Variants in GABPB1 observed in about 807,000 individuals in gnomAD.
GABPB1 encodes GA-binding protein subunit beta-1.
In GABPB1, 15 loss-of-function variants were observed where a neutral mutation model predicts 45.9. The ratio of observed to expected loss-of-function variants is 0.33; its 90% CI spans 0.22 to 0.50. GABPB1 has a LOEUF of 0.50. GABPB1 is among the 20% of genes least tolerant of loss of function. GABPB1 has a pLI of 0.98. For missense variants in GABPB1, 252 were observed against 457.5 expected (o/e 0.55, Z 4.10); for synonymous variants, 143 against 154.4 (o/e 0.93, Z 0.55).
At position 50,304,024 on chromosome 15, in the gene GABPB1, G is replaced by A; in HGVS notation, c.218C>T (p.Thr73Ile). The change falls in exon 3 of 9, where the codon ACA (threonine) becomes ATA (isoleucine). Residue 73 changes from threonine to isoleucine, a missense_variant. Transcript: ENST00000380877. ...CTCAGAAGCTGCCATATGTAATGGT[G>A]TTCGGTCCACTTTGGTTCTGGCATC... is the stretch of plus-strand genomic sequence containing the variant. ...SRDARTKVDR[T>I]PLHMAASEGH... 1 of 1,613,308 alleles carries A rather than the reference G, an allele frequency of 6.2e-7. No homozygotes were observed. Among genetic ancestry groups the A allele is most frequent in the Non-Finnish European group, 8.5e-7 (1 of 1,179,708 alleles).
rs2046331271 is a variant in GABPB1 at position 50,291,180 on chromosome 15, T to C, written c.698-1512A>G. Among the ~76,000 whole-genome samples the C allele has an allele frequency of 2.6e-5, 4 of 152,226 alleles. No individual in the cohort carries two copies. The South Asian group carries it at 8.3e-4, about 31-fold the overall frequency. On this transcript the variant is annotated intron_variant, in intron 6 of 8. Transcript: ENST00000380877. The stretch of plus-strand genomic sequence containing the variant: ...TATGAACTGAGCAATGTTTACACAA[T>C]GTTTACAATTATCCTATGTAAACCC...
At chr15:50,353,753 A>T (rs978619977) in intron 1 of GABPB1, 1 of 152,306 alleles carries the variant, frequency 6.6e-6, no homozygotes, top group African/African-American at 2.4e-5. Flanking sequence ...AAGAATGACC[A>T]CTAACTTCTG....
At chr15:50,309,871 G>A (rs1567509678) in intron 1 of GABPB1, 73 bp from the exon 2 acceptor site, 3 of 858,364 alleles carry the variant, frequency 3.5e-6, no homozygotes, top group Non-Finnish European at 3.9e-6. Flanking sequence ...TTCCCTTCCT[G>A]TCTTTATTAA....
chr15:50,292,580 G>A (rs1049548099), intron 6 of GABPB1, among the ~76,000 whole-genome samples: 13 of 152,214 alleles, frequency 8.5e-5, no homozygotes, highest in African/African-American at 3.1e-4. Context: ...GTGATACACT[G>A]GGAGGTTACA....
intron 7 of GABPB1, among the ~76,000 whole-genome samples, chr15:50,288,400 G>A (rs749481911): frequency 6.6e-6 from 1 of 152,086 alleles, no homozygotes; most frequent in African/African-American, 2.4e-5. Context: ...CTTCTTTTAG[G>A]GGGAGACAAG....
At chr15:50,333,397 CATT>C (rs1453742989) in intron 1 of GABPB1, among the ~76,000 whole-genome samples, 3 of 152,242 alleles carry the variant, frequency 2.0e-5, no homozygotes, top group African/African-American at 7.2e-5. Context: ...ATCACATTAT[CATT>C]ATATTATCAC....
intron 1 of GABPB1, among the ~76,000 whole-genome samples, chr15:50,334,505 C>CTTTTTTTTTTTTTTTTTTT (rs60433481): frequency 3.7e-5 from 4 of 109,408 alleles, no homozygotes; most frequent in Non-Finnish European, 7.3e-5. Flanking sequence ...TCTTTTTTTC[C>CTTTTTTTTTTTTTTTTTTT]TTTTTTTTTT....
chr15:50,304,742 T>G (rs1458185468), intron 2 of GABPB1, among the ~76,000 whole-genome samples: 4 of 149,892 alleles, frequency 2.7e-5, no homozygotes, highest in African/African-American at 7.4e-5. Context: ...AAATCAGAGA[T>G]AGAGTTTGAG....
At chr15:50,343,843 A>T (rs993400140) in intron 1 of GABPB1, among the ~76,000 whole-genome samples, 2 of 152,168 alleles carry the variant, frequency 1.3e-5, no homozygotes, top group African/African-American at 4.8e-5. Context: ...GGCCAATCAA[A>T]TGTAGTTACC....
At chr15:50,345,567 A>G (rs2141171861) in intron 1 of GABPB1, among the ~76,000 whole-genome samples, 1 of 152,370 alleles carries the variant, frequency 6.6e-6, no homozygotes, top group African/African-American at 2.4e-5. Flanking sequence ...CTTCGAAAAA[A>G]AAGTAAAAAC....
At chr15:50,294,100 G>C (rs2046433748) in intron 6 of GABPB1, among the ~76,000 whole-genome samples, 1 of 152,266 alleles carries the variant, frequency 6.6e-6, no homozygotes, top group African/African-American at 2.4e-5. Flanking sequence ...GACGACATCT[G>C]AGATCTCTTG....
At chr15:50,316,684 T>A (rs529594758) in intron 1 of GABPB1, among the ~76,000 whole-genome samples, 1 of 152,098 alleles carries the variant, frequency 6.6e-6, no homozygotes, top group African/African-American at 2.4e-5. Flanking sequence ...AAGGAAACTA[T>A]TCAAAAATCT....
intron 1 of GABPB1, 134 bp downstream of exon 1, chr15:50,354,851 C>A (rs894614049): frequency 4.4e-6 from 1 of 229,824 alleles, no homozygotes; most frequent in Non-Finnish European, 8.7e-6. Context: ...CCCGGAAACC[C>A]GGCGCCTTAA....
At chr15:50,286,438 G>A (rs2046158622) in intron 7 of GABPB1, among the ~76,000 whole-genome samples, 1 of 151,702 alleles carries the variant, frequency 6.6e-6, no homozygotes, top group Non-Finnish European at 1.5e-5. Flanking sequence ...ATTCATTCAT[G>A]ACTCAAAACA....
At chr15:50,296,945 G>C (rs1421368026) in intron 6 of GABPB1, among the ~76,000 whole-genome samples, 1 of 117,744 alleles carries the variant, frequency 8.5e-6, no homozygotes, top group Non-Finnish European at 1.6e-5. Context: ...GAGTCTCCCT[G>C]TGTTGCCCAG....
chr15:50,321,929 C>T (rs907674067), intron 1 of GABPB1, among the ~76,000 whole-genome samples: 1 of 150,416 alleles, frequency 6.6e-6, no homozygotes, highest in Admixed American at 6.6e-5. Flanking sequence ...AAGGCTGGAA[C>T]TTGCCTGGAT....
intron 1 of GABPB1, among the ~76,000 whole-genome samples, chr15:50,330,539 A>G (rs1453024276): frequency 6.8e-6 from 1 of 146,192 alleles, no homozygotes; most frequent in Admixed American, 6.6e-5. Flanking sequence ...CTCATCTCAT[A>G]CACACTTACC....
chr15:50,315,823 C>T (rs1484976296), intron 1 of GABPB1, among the ~76,000 whole-genome samples: 1 of 152,182 alleles, frequency 6.6e-6, no homozygotes, highest in Admixed American at 6.5e-5. Flanking sequence ...GCCTGTAATC[C>T]TAGCACTTTG....
At chr15:50,303,904 C>T (rs2046846603) in intron 3 of GABPB1, 62 bp downstream of exon 3, 3 of 1,317,508 alleles carry the variant, frequency 2.3e-6, no homozygotes, top group Admixed American at 2.5e-5. Context: ...AAACTAGTTC[C>T]CTCTCCTTCT....
Sources: gnomAD v4.1 joint callset for allele counts (sites outside exome capture counted in the v4.1 genomes callset) on GRCh38, gnomAD v4.1.1 for gene constraint, MANE v1.5 for transcripts, NCBI Gene and HGNC (gene_info 2026-07-23, HGNC 2026-07-21) for gene names.